Variants in GRIK4 observed in about 807,000 individuals in gnomAD.
GRIK4 encodes glutamate receptor ionotropic, kainate 4.
A neutral mutation model predicts 104.9 loss-of-function variants in GRIK4; 40 were observed. That is an observed-to-expected ratio of 0.38 (90% CI 0.30 to 0.50). The LOEUF is 0.50. GRIK4 is among the 20% of genes least tolerant of loss of function. GRIK4 has a pLI of 0.93. For missense variants in GRIK4, 1,047 were observed against 1,308.1 expected (o/e 0.80, Z 3.08); for synonymous variants, 485 against 524.9 (o/e 0.92, Z 1.04).
chr11:120,523,414 A>G (rs1947819085), intron 1 of GRIK4, among the ~76,000 whole-genome samples: 1 of 151,360 alleles, frequency 6.6e-6, no homozygotes, highest in African/African-American at 2.4e-5. Context: ...TCCTTTGGGG[A>G]GGGAAGTGGG....
In GRIK4 at chr11:120,544,619, A is replaced by G. The variant is rs189694237; in HGVS notation, c.-159+32732A>G. ...GTGCTGGGATTACAGGCTAAAGAGT[A>G]CTATTTGTTTTCAACCTGGACATTT... On this transcript the variant is annotated intron_variant, in intron 1 of 20. Coordinates refer to ENST00000527524, the MANE Select transcript of GRIK4 (RefSeq NM_014619.5). 2.6e-4 allele frequency among the ~76,000 whole-genome samples: 40 copies of G among 152,198 alleles called. 1 individual carries two copies. The highest frequency in any genetic ancestry group is 2.2e-3 in the Admixed American group (33 of 15,290).
chr11:120,765,351 A>G (rs1461675759), intron 3 of GRIK4, among the ~76,000 whole-genome samples: 1 of 151,998 alleles, frequency 6.6e-6, no homozygotes, highest in African/African-American at 2.4e-5. Context: ...CTAGTTAACA[A>G]TTCCTCTAAC....
intron 1 of GRIK4, among the ~76,000 whole-genome samples, chr11:120,652,792 T>C (rs564777744): frequency 6.6e-6 from 1 of 152,124 alleles, no homozygotes; most frequent in South Asian, 2.1e-4. Flanking sequence ...ATTAATGATG[T>C]AGTAGCCCTG....
chr11:120,567,371 T>G (rs1440904616), intron 1 of GRIK4, among the ~76,000 whole-genome samples: 1 of 151,746 alleles, frequency 6.6e-6, no homozygotes, highest in East Asian at 2.0e-4. Flanking sequence ...ATTGCCCAGG[T>G]TGGTCTTGAA....
At chr11:120,596,195 G>A (rs1948799787) in intron 1 of GRIK4, among the ~76,000 whole-genome samples, 1 of 152,232 alleles carries the variant, frequency 6.6e-6, no homozygotes, top group Non-Finnish European at 1.5e-5. Flanking sequence ...CCTGTAGTAG[G>A]TGCTCAAAAA....
intron 3 of GRIK4, among the ~76,000 whole-genome samples, chr11:120,675,952 G>T (rs1950093493): frequency 6.6e-6 from 1 of 152,146 alleles, no homozygotes; most frequent in African/African-American, 2.4e-5. Context: ...ACAGCCTGTA[G>T]GTCAGAAGTC....
At chr11:120,597,518 A>G (rs1211128440) in intron 1 of GRIK4, among the ~76,000 whole-genome samples, 1 of 152,154 alleles carries the variant, frequency 6.6e-6, no homozygotes, top group African/African-American at 2.4e-5. Context: ...CAGGCAGCAG[A>G]GTCTCAGTGT....
At chr11:120,537,997 G>A (rs914405436) in intron 1 of GRIK4, among the ~76,000 whole-genome samples, 53 of 152,216 alleles carry the variant, frequency 3.5e-4, no homozygotes, top group African/African-American at 1.2e-3. Flanking sequence ...CCATGGCCAA[G>A]GTTTAAATAA....
intron 1 of GRIK4, among the ~76,000 whole-genome samples, chr11:120,601,647 G>GTTTTT (rs779169082): frequency 8.0e-6 from 1 of 125,188 alleles, no homozygotes; most frequent in African/African-American, 3.1e-5. Context: ...TGTGTGTGTG[G>GTTTTT]TTTTTTTTTT....
chr11:120,604,934 C>T (rs1023392309), intron 1 of GRIK4, among the ~76,000 whole-genome samples: 1 of 152,214 alleles, frequency 6.6e-6, no homozygotes, highest in African/African-American at 2.4e-5. Flanking sequence ...ATGATCATGG[C>T]TCACTACAGC....
chr11:120,730,812 C>A (rs1951115247), intron 3 of GRIK4, among the ~76,000 whole-genome samples: 1 of 151,932 alleles, frequency 6.6e-6, no homozygotes, highest in Non-Finnish European at 1.5e-5. Context: ...AGGTATTTAA[C>A]TTTATTTGTG....
intron 6 of GRIK4, among the ~76,000 whole-genome samples, chr11:120,825,414 G>T (rs897083332): frequency 1.3e-5 from 2 of 152,220 alleles, no homozygotes; most frequent in African/African-American, 4.8e-5. Context: ...CACCTGGAGA[G>T]TGAATAACAC....
intron 3 of GRIK4, among the ~76,000 whole-genome samples, chr11:120,770,342 A>T (rs2135455401): frequency 6.6e-6 from 1 of 152,354 alleles, no homozygotes; most frequent in South Asian, 2.1e-4. Context: ...GCTGACCCTC[A>T]GCAAAACTGG....
intron 3 of GRIK4, among the ~76,000 whole-genome samples, chr11:120,801,416 A>G (rs1290340811): frequency 2.0e-5 from 3 of 152,120 alleles, no homozygotes; most frequent in African/African-American, 4.8e-5. Flanking sequence ...TATTAGAGAC[A>G]GGGTTTCACC....
At chr11:120,886,358 T>C (rs1955119110) in intron 11 of GRIK4, among the ~76,000 whole-genome samples, 1 of 152,230 alleles carries the variant, frequency 6.6e-6, no homozygotes, top group South Asian at 2.1e-4. Context: ...CTAAGCATAG[T>C]GCTGAAGTGC....
chr11:120,952,871 A>G lies in GRIK4; in HGVS notation c.1607A>G (p.Tyr536Cys). 1 of 1,613,000 alleles carries G rather than the reference A, an allele frequency of 6.2e-7. No individual in the cohort carries two copies. Among genetic ancestry groups the G allele is most frequent in the Admixed American group, 1.7e-5 (1 of 59,998 alleles). ...CATTTCCAGGGACGCAAACCCGGCT[A>G]TTTCTCCTTCCTGGACCCATTTTCT... ...YRVHMGRKPG[Y>C]FSFLDPFSPG... The change falls in exon 15 of 21, where the codon TAT (tyrosine) becomes TGT (cysteine). Residue 536 changes from tyrosine to cysteine, a missense_variant. Physicochemically the swap from Tyr to Cys is radical, Grantham distance 194. Coordinates refer to ENST00000527524, the MANE Select transcript of GRIK4 (RefSeq NM_014619.5). This position sits in a 1 kb window ranked among gnomAD's most constrained non-coding sequence, Gnocchi z 5.2.
chr11:120,832,732 G>A (rs1244245149), intron 7 of GRIK4, among the ~76,000 whole-genome samples: 2 of 152,200 alleles, frequency 1.3e-5, no homozygotes, highest in Non-Finnish European at 2.9e-5. Flanking sequence ...CATGCACACT[G>A]GAAACCAGAA....
chr11:120,964,359 T>C (rs6589851), intron 18 of GRIK4, among the ~76,000 whole-genome samples: 83,690 of 151,962 alleles, frequency 0.55, 23,425 homozygotes, highest in Middle Eastern at 0.64. Flanking sequence ...ATGGTTCATC[T>C]CTGAACTCTG....
rs1263175703 is a variant in GRIK4 at position 120,815,603 on chromosome 11, C to CAA, written c.345+129_345+130insAA. ...GGGTTGGTATCATTAATAACAACAA[C>CAA]ATAAATACAAATACAGAAGCAGTGG... On this transcript the variant is annotated intron_variant, in intron 5 of 20. Transcript: ENST00000527524. The CAA allele has an allele frequency of 1.1e-5, 6 of 568,382 alleles. No individual in the cohort carries two copies. The East Asian group carries it at 1.7e-4, about 16-fold the overall frequency. 35.2% of individuals were successfully genotyped at this position (568,382 alleles called of 1,614,324 possible).
Sources: gnomAD v4.1 joint callset for allele counts (sites outside exome capture counted in the v4.1 genomes callset) on GRCh38, gnomAD v4.1.1 for gene constraint, Gnocchi (gnomAD v3.1) non-coding constraint, MANE v1.5 for transcripts, NCBI Gene and HGNC (gene_info 2026-07-23, HGNC 2026-07-21) for gene names.